The following XKR6 variants were observed in gnomAD, a reference collection of about 807,000 sequenced individuals.
XKR6 encodes the protein XK related 6, also known as XK-related protein 6.
A neutral mutation model predicts 56.7 loss-of-function variants in XKR6; 22 were observed. That is an observed-to-expected ratio of 0.39 (90% CI 0.28 to 0.55). The LOEUF is 0.55. Ranked by LOEUF, XKR6 falls within the 20% of genes least tolerant of loss-of-function variation. The probability of loss-of-function intolerance (pLI) is 0.66; values close to 1 mark genes in which losing one functional copy is unlikely to be tolerated. For synonymous variants in XKR6, 524 were observed against 387.8 expected (o/e 1.35, Z -4.13); for missense variants, 852 against 889.0 (o/e 0.96, Z 0.53).
intron 2 of XKR6, among the ~76,000 whole-genome samples, chr8:10,906,983 G>A (rs928501525): frequency 6.6e-6 from 1 of 152,120 alleles, no homozygotes. Flanking sequence ...GGGAGGTGGA[G>A]GTTGCAGTGA....
At position 11,073,836 on chromosome 8, in the gene XKR6, C is replaced by T. The variant is rs145515570; in HGVS notation, c.764+126740G>A. ...GACAGGGACCCATTCCAGAATAAAG[C>T]GAAAGCCCTTGAGGCCGACTATTCA... On this transcript the variant is annotated intron_variant, in intron 1 of 2. Transcript: ENST00000416569. 1.3e-4 allele frequency among the ~76,000 whole-genome samples: 20 copies of T among 152,160 alleles called. No individual in the cohort carries two copies. In the East Asian group the frequency reaches 2.9e-3, roughly 22 times the overall value.
At chr8:11,149,573 A>T (rs1225583258) in intron 1 of XKR6, among the ~76,000 whole-genome samples, 2 of 152,124 alleles carry the variant, frequency 1.3e-5, no homozygotes, top group Non-Finnish European at 2.9e-5. Context: ...ATTAAAAGCT[A>T]ATGAGATGAA....
At chr8:10,994,047 G>T (rs1397565074) in intron 1 of XKR6, among the ~76,000 whole-genome samples, 1 of 152,212 alleles carries the variant, frequency 6.6e-6, no homozygotes, top group African/African-American at 2.4e-5. Flanking sequence ...ACTAGAAACT[G>T]CAGTCCCCTT....
chr8:11,135,991 C>G (rs1242062327), intron 1 of XKR6, among the ~76,000 whole-genome samples: 1 of 152,106 alleles, frequency 6.6e-6, no homozygotes, highest in African/African-American at 2.4e-5. Flanking sequence ...AGTGTTTCAA[C>G]AATTCTAAGA....
At chr8:11,195,382 T>C (rs567389916) in intron 1 of XKR6, among the ~76,000 whole-genome samples, 4 of 152,340 alleles carry the variant, frequency 2.6e-5, no homozygotes, top group East Asian at 3.9e-4. Context: ...TAATTCTTTT[T>C]CTATCCACTG....
intron 1 of XKR6, among the ~76,000 whole-genome samples, chr8:10,953,457 C>A (rs1801788918): frequency 6.6e-6 from 1 of 152,160 alleles, no homozygotes; most frequent in African/African-American, 2.4e-5. Flanking sequence ...TGTTATGCCT[C>A]CTGTACAGCC....
At chr8:11,115,012 G>T (rs574098991) in intron 1 of XKR6, among the ~76,000 whole-genome samples, 2 of 152,176 alleles carry the variant, frequency 1.3e-5, no homozygotes, top group Non-Finnish European at 2.9e-5. Context: ...CCTCATCAGT[G>T]AGTCTGGAGT....
In XKR6 at chr8:10,896,171, G is replaced by A. The variant is rs1415113642; in HGVS notation, c.*1781C>T. The stretch of plus-strand genomic sequence containing the variant: ...TTTTTTTGTGCCCAAGTAGAGATAC[G>A]ATGCGATTGAAACGATGCCCTAGAA... On this transcript the variant is annotated 3_prime_UTR_variant, in exon 3 of 3. Coordinates refer to ENST00000416569, the MANE Select transcript of XKR6 (RefSeq NM_173683.4). 2 of 147,456 alleles carry A rather than the reference G, an allele frequency of 1.4e-5. No homozygotes were observed. Among genetic ancestry groups the A allele is most frequent in the African/African-American group, 2.5e-5 (1 of 39,922 alleles). 9.1% of individuals were successfully genotyped at this position (147,456 alleles called of 1,614,324 possible).
At chr8:11,069,127 C>T (rs770313924) in intron 1 of XKR6, among the ~76,000 whole-genome samples, 8 of 152,020 alleles carry the variant, frequency 5.3e-5, no homozygotes, top group African/African-American at 1.4e-4. Context: ...TCAAGTGGGG[C>T]GGCTCAGCCC....
chr8:11,128,267 A>G (rs1478766605), intron 1 of XKR6, among the ~76,000 whole-genome samples: 2 of 151,980 alleles, frequency 1.3e-5, no homozygotes, highest in Non-Finnish European at 2.9e-5. Context: ...CCTCTCCCTG[A>G]CCTCTAAAGC....
At position 10,960,161 on chromosome 8, in the gene XKR6, C is replaced by T. The variant is rs553801314; in HGVS notation, c.765-35331G>A. 2.0e-5 allele frequency among the ~76,000 whole-genome samples: 3 copies of T among 151,724 alleles called. No individual in the cohort carries two copies. In the South Asian group the frequency reaches 6.2e-4, roughly 31 times the overall value. On this transcript the variant is annotated intron_variant, in intron 1 of 2. Transcript: ENST00000416569. ...TCTTTTCCTAGGCAGTTAGTTCAGA[C>T]ACAGCAGGTGAGTGCAGGTATAGCA...
intron 1 of XKR6, among the ~76,000 whole-genome samples, chr8:11,076,270 C>G (rs769474485): frequency 3.3e-5 from 5 of 152,140 alleles, no homozygotes; most frequent in African/African-American, 7.2e-5. Context: ...TAGTTTTACA[C>G]AGCGATAAAG....
At chr8:10,905,408 T>G (rs1490413026) in intron 2 of XKR6, among the ~76,000 whole-genome samples, 2 of 152,208 alleles carry the variant, frequency 1.3e-5, no homozygotes, top group African/African-American at 4.8e-5. Context: ...TGCCATTTCT[T>G]GAGCTCTTTA....
In XKR6 at chr8:10,995,481, A is replaced by G. The variant is rs529671733; in HGVS notation, c.765-70651T>C. On this transcript the variant is annotated intron_variant, in intron 1 of 2. Transcript: ENST00000416569. ...TTATATATAATACATATAAAACCCTATATCATATATATATATATACACACA... is the reference window on the plus strand; with the variant it reads ...TTATATATAATACATATAAAACCCTGTATCATATATATATATATACACACA... 1.3e-4 allele frequency among the ~76,000 whole-genome samples: 18 copies of G among 137,956 alleles called. No homozygotes were observed. In the South Asian group the frequency reaches 3.9e-3, roughly 30 times the overall value. 90.5% of individuals were successfully genotyped at this position (137,956 alleles called of 152,430 possible).
Position 11,085,828 on chromosome 8 carries a change from G to A in XKR6, c.764+114748C>T, listed in dbSNP as rs531772487. Among the ~76,000 whole-genome samples, 19 of 152,238 alleles carry A rather than the reference G, an allele frequency of 1.2e-4. No homozygotes were observed. The South Asian group carries it at 2.9e-3, about 23-fold the overall frequency. On this transcript the variant is annotated intron_variant, in intron 1 of 2. Coordinates refer to ENST00000416569, the MANE Select transcript of XKR6 (RefSeq NM_173683.4). ...ACCCCAGCTCGAAGCCACTGCCGCC[G>A]GAGCAAGGGCCTGCAGATGCCCTAC... is the stretch of plus-strand genomic sequence containing the variant.
rs796848455 is a variant in XKR6 at position 11,159,869 on chromosome 8, T to C, written c.764+40707A>G. ...ATCTCTTCTGGCCTTTAGAATGTTG[T>C]TGATTAGAGATATGATGCTTAGACC... On this transcript the variant is annotated intron_variant, in intron 1 of 2. Transcript: ENST00000416569. Among the ~76,000 whole-genome samples the C allele has an allele frequency of 7.2e-5, 11 of 152,326 alleles. 2 individuals carry two copies. Among genetic ancestry groups the C allele is most frequent in the African/African-American group, 2.4e-4 (10 of 41,578 alleles).
intron 1 of XKR6, among the ~76,000 whole-genome samples, chr8:11,047,036 T>A (rs991710496): frequency 4.6e-5 from 7 of 152,082 alleles, no homozygotes; most frequent in Admixed American, 4.6e-4. Context: ...GGGCACAAAG[T>A]TTCAATTCGG....
intron 1 of XKR6, among the ~76,000 whole-genome samples, chr8:10,940,802 G>A (rs758160377): frequency 3.3e-5 from 5 of 152,276 alleles, no homozygotes; most frequent in Non-Finnish European, 5.9e-5. Flanking sequence ...AGGCCGGCGG[G>A]CCCATCACCA....
At chr8:11,137,083 A>T (rs1417273887) in intron 1 of XKR6, 1 of 153,718 alleles carries the variant, frequency 6.5e-6, no homozygotes, top group African/African-American at 2.4e-5. Flanking sequence ...TTGTAAATAA[A>T]AGATGAATAC....
Sources: allele counts gnomAD v4.1 joint callset (sites outside exome capture counted in the v4.1 genomes callset), GRCh38; gene constraint gnomAD v4.1.1; transcripts MANE v1.5; gene names NCBI Gene and HGNC (gene_info 2026-07-23, HGNC 2026-07-21).